The following ANO2 variants were observed in gnomAD, a reference collection of about 807,000 sequenced individuals.
ANO2 encodes anoctamin-2.
ANO2 carries 101 observed loss-of-function variants against 124.2 expected under a neutral mutation model. That is an observed-to-expected ratio of 0.81 (90% CI 0.69 to 0.96). The LOEUF (loss-of-function observed/expected upper bound fraction) is 0.96, where lower values mean the gene tolerates loss of function less well. Among genes scored for constraint, ANO2 ranks in the 40% least tolerant of loss-of-function variants. The probability of loss-of-function intolerance (pLI) is 0.00; values close to 1 mark genes in which losing one functional copy is unlikely to be tolerated. For synonymous variants in ANO2, 486 were observed against 482.5 expected, an observed-to-expected ratio of 1.01 and a Z score of -0.09; for missense variants, 1,293 against 1,274.5, an observed-to-expected ratio of 1.01 and a Z score of -0.22.
At chr12:5,881,359 G>GA (rs1250797231) in intron 3 of ANO2, among the ~76,000 whole-genome samples, 1 of 152,110 alleles carries the variant, frequency 6.6e-6, no homozygotes, top group East Asian at 1.9e-4. Context: ...CTGGCTGGGG[G>GA]AATGGAAAAA....
intron 1 of ANO2, 148 bp from the exon 2 acceptor site, chr12:5,922,952 G>C (rs1415891787): frequency 3.7e-6 from 3 of 801,710 alleles, no homozygotes; most frequent in African/African-American, 3.6e-5. Flanking sequence ...CTAAAGCCCA[G>C]GTTCACACTG....
chr12:5,567,833 C>G (rs1941863350), intron 23 of ANO2, among the ~76,000 whole-genome samples: 1 of 152,204 alleles, frequency 6.6e-6, no homozygotes, highest in Non-Finnish European at 1.5e-5. Context: ...ACACAGAGAT[C>G]TGTTCAGAAA....
intron 14 of ANO2, among the ~76,000 whole-genome samples, chr12:5,706,078 A>C (rs186071773): frequency 6.4e-4 from 98 of 152,332 alleles, no homozygotes; most frequent in African/African-American, 2.3e-3. Context: ...AGTGCATTGT[A>C]CGCTGGCTTT....
intron 14 of ANO2, among the ~76,000 whole-genome samples, chr12:5,722,125 A>C (rs116615139): frequency 1.2e-3 from 181 of 152,278 alleles, no homozygotes; most frequent in African/African-American, 4.3e-3. Context: ...AGCAACACTC[A>C]TGCTTCCTGT....
At chr12:5,845,041 G>A (rs1478810563) in intron 4 of ANO2, among the ~76,000 whole-genome samples, 1 of 151,588 alleles carries the variant, frequency 6.6e-6, no homozygotes, top group African/African-American at 2.4e-5. Context: ...GGAGGCAGAG[G>A]TGGGTGGATA....
intron 3 of ANO2, among the ~76,000 whole-genome samples, chr12:5,910,321 G>C (rs1940967254): frequency 6.6e-6 from 1 of 152,138 alleles, no homozygotes; most frequent in African/African-American, 2.4e-5. Flanking sequence ...CTGGATTACA[G>C]GCACGTGCCA....
intron 4 of ANO2, among the ~76,000 whole-genome samples, chr12:5,833,095 C>T (rs1422917094): frequency 6.6e-6 from 1 of 152,206 alleles, no homozygotes; most frequent in Non-Finnish European, 1.5e-5. Context: ...AAAGTCTATA[C>T]TCTAAAACTG....
intron 15 of ANO2, among the ~76,000 whole-genome samples, chr12:5,637,974 G>C (rs112228605): frequency 6.6e-6 from 1 of 152,054 alleles, no homozygotes; most frequent in Non-Finnish European, 1.5e-5. Flanking sequence ...AAGTCCACAA[G>C]GTGTGGACTA....
intron 3 of ANO2, among the ~76,000 whole-genome samples, chr12:5,861,139 A>C (rs1277257292): frequency 1.3e-5 from 2 of 152,150 alleles, no homozygotes; most frequent in Non-Finnish European, 2.9e-5. Flanking sequence ...TCCAGTAACA[A>C]AGGAAGACCT....
At chr12:5,942,095 C>T (rs533215535) in intron 1 of ANO2, among the ~76,000 whole-genome samples, 3 of 152,042 alleles carry the variant, frequency 2.0e-5, no homozygotes, top group Admixed American at 6.6e-5. Context: ...GATGGAGTGC[C>T]GCGTATCCCT....
chr12:5,646,362 A>C (rs1359336760), intron 15 of ANO2, among the ~76,000 whole-genome samples: 1 of 152,216 alleles, frequency 6.6e-6, no homozygotes, highest in Non-Finnish European at 1.5e-5. Context: ...CAATTTTTTA[A>C]AATAAATTTT....
intron 7 of ANO2, 102 bp downstream of exon 7, chr12:5,827,667 C>T: frequency 7.3e-7 from 1 of 1,372,276 alleles, no homozygotes. Flanking sequence ...GGGGCATTTG[C>T]TTGTTTTGTT....
In ANO2 at chr12:5,919,453, C is replaced by G. The variant is rs890683343; in HGVS notation, c.534+1587G>C. ...AGCAGAGAGGGCAACAGCACAAAGACCTGAGGTCAAGGTGCCCAAAGCAGA... is the reference window on the plus strand; with the variant it reads ...AGCAGAGAGGGCAACAGCACAAAGAGCTGAGGTCAAGGTGCCCAAAGCAGA... On this transcript the variant is annotated intron_variant, in intron 3 of 24. Transcript: ENST00000682330. Among the ~76,000 whole-genome samples the G allele has an allele frequency of 1.4e-4, 20 of 147,670 alleles. 1 individual carries two copies. The highest frequency in any genetic ancestry group is 6.0e-5 in the Non-Finnish European group (4 of 66,336).
chr12:5,884,350 G>A (rs1405451434), intron 3 of ANO2, among the ~76,000 whole-genome samples: 1 of 152,226 alleles, frequency 6.6e-6, no homozygotes, highest in African/African-American at 2.4e-5. Flanking sequence ...CTCAGATGTG[G>A]GCTGATATGA....
intron 16 of ANO2, among the ~76,000 whole-genome samples, chr12:5,618,793 A>C (rs1297467971): frequency 6.6e-6 from 1 of 152,208 alleles, no homozygotes; most frequent in Admixed American, 6.5e-5. Context: ...CCTTCCTTCA[A>C]GGAGCTTCAC....
At chr12:5,598,161 A>G (rs1279293869) in intron 20 of ANO2, among the ~76,000 whole-genome samples, 9 of 152,200 alleles carry the variant, frequency 5.9e-5, no homozygotes, top group African/African-American at 2.2e-4. Context: ...TGAGTGAGGT[A>G]GCCTGTGCAC....
At chr12:5,649,126 G>A (rs1297326457) in intron 14 of ANO2, among the ~76,000 whole-genome samples, 2 of 152,156 alleles carry the variant, frequency 1.3e-5, no homozygotes, top group Non-Finnish European at 2.9e-5. Context: ...CCCACACACC[G>A]AAAGGTTTAA....
chr12:5,711,360 T>G (rs944471891), intron 14 of ANO2, among the ~76,000 whole-genome samples: 2 of 152,154 alleles, frequency 1.3e-5, no homozygotes, highest in African/African-American at 4.8e-5. Flanking sequence ...TCTTGCCATG[T>G]AACAAGCCCG....
At chr12:5,700,592 G>T (rs1949362923) in intron 14 of ANO2, among the ~76,000 whole-genome samples, 1 of 152,116 alleles carries the variant, frequency 6.6e-6, no homozygotes, top group South Asian at 2.1e-4. Context: ...ACTAATATCA[G>T]AGCAGAACTG....
Sources: gnomAD v4.1 joint callset for allele counts (sites outside exome capture counted in the v4.1 genomes callset) on GRCh38, gnomAD v4.1.1 for gene constraint, MANE v1.5 for transcripts, NCBI Gene and HGNC (gene_info 2026-07-23, HGNC 2026-07-21) for gene names.